Variants in PPEF1 observed in about 807,000 individuals in gnomAD.
PPEF1 encodes the protein protein phosphatase with EF-hand domain 1.
A neutral mutation model predicts 53.3 loss-of-function variants in PPEF1; 12 were observed. That is an observed-to-expected ratio of 0.23 (90% CI 0.14 to 0.36). The LOEUF (loss-of-function observed/expected upper bound fraction) is 0.36, where lower values mean the gene tolerates loss of function less well. Ranked by LOEUF, PPEF1 falls within the 10% of genes least tolerant of loss-of-function variation. The pLI, the probability that PPEF1 is intolerant of heterozygous loss-of-function variation, is 1.00. For missense variants in PPEF1, 334 were observed against 490.4 expected (o/e 0.68, Z 3.01); for synonymous variants, 165 against 176.7 (o/e 0.93, Z 0.52).
chrX:18,759,730 TTTTATAAA>T (rs962983002), intron 5 of PPEF1, among the ~76,000 whole-genome samples: 2 of 112,112 alleles, frequency 1.8e-5, no homozygotes, highest in Non-Finnish European at 3.8e-5. Context: ...TATAGTAGTA[TTTTATAAA>T]TAAGTGCTGG....
intron 9 of PPEF1, among the ~76,000 whole-genome samples, chrX:18,788,739 T>C (rs954287284): frequency 8.9e-6 from 1 of 111,856 alleles, no homozygotes; most frequent in Admixed American, 9.5e-5. Context: ...TATTAAGAGG[T>C]GTTTCTGAAC....
intron 10 of PPEF1, among the ~76,000 whole-genome samples, chrX:18,801,072 T>C (rs1176743034): frequency 8.9e-6 from 1 of 112,154 alleles, no homozygotes; most frequent in Non-Finnish European, 1.9e-5. Flanking sequence ...ATGCAAGTGT[T>C]ATTTTTGTCA....
At chrX:18,763,952 G>A (rs978757024) in intron 6 of PPEF1, among the ~76,000 whole-genome samples, 1 of 111,571 alleles carries the variant, frequency 9.0e-6, no homozygotes, top group Admixed American at 9.5e-5. Context: ...GAGGGGGCTG[G>A]TGAAAGAGCA....
At chrX:18,812,824 A>C (rs761728892) in intron 12 of PPEF1, among the ~76,000 whole-genome samples, 77 of 110,387 alleles carry the variant, frequency 7.0e-4, no homozygotes, top group African/African-American at 2.4e-3. Context: ...GCTGGAGTGC[A>C]GTGATGTGAT....
intron 3 of PPEF1, among the ~76,000 whole-genome samples, chrX:18,737,344 C>CA (rs942189748): frequency 2.7e-5 from 3 of 112,054 alleles, no homozygotes; most frequent in African/African-American, 9.7e-5. Context: ...TCATTGGTTT[C>CA]AAAGAACATC....
intron 1 of PPEF1, among the ~76,000 whole-genome samples, chrX:18,722,988 AT>A (rs34364348): frequency 6.2e-4 from 63 of 101,862 alleles, no homozygotes; most frequent in East Asian, 2.7e-3. Flanking sequence ...TAATTTGTGA[AT>A]TTTTTTTTTT....
At chrX:18,783,111 C>CA (rs139197097) in intron 8 of PPEF1, among the ~76,000 whole-genome samples, 1,062 of 59,081 alleles carry the variant, frequency 0.018, 25 homozygotes, top group African/African-American at 0.055. Flanking sequence ...GACTCCATCT[C>CA]AAAAAAAAAA....
chrX:18,804,125 G>T (rs1310496388), intron 11 of PPEF1, 48 bp downstream of exon 11: 1 of 1,080,344 alleles, frequency 9.3e-7, no homozygotes, highest in South Asian at 2.0e-5. Context: ...CTTCCCCTAA[G>T]CACAGTCTTT....
chrX:18,678,063 C>G (rs763366386), upstream of PPEF1, among the ~76,000 whole-genome samples: 6 of 95,494 alleles, frequency 6.3e-5, no homozygotes, highest in African/African-American at 8.1e-5. Flanking sequence ...CTCAGGAGGT[C>G]GAGGCTGTCG....
At chrX:18,822,657 C>T (rs1029645581) in intron 13 of PPEF1, among the ~76,000 whole-genome samples, 1 of 110,435 alleles carries the variant, frequency 9.1e-6, no homozygotes, top group Non-Finnish European at 1.9e-5. Context: ...TACAGGCGCC[C>T]GCCACCATGC....
At chrX:18,765,595 A>T (rs2045749522) in intron 6 of PPEF1, among the ~76,000 whole-genome samples, 2 of 110,895 alleles carry the variant, frequency 1.8e-5, no homozygotes, top group Non-Finnish European at 3.8e-5. Context: ...ACATGGTAAA[A>T]TTTATTTTTT....
chrX:18,749,466 A>G (rs1043494563), intron 3 of PPEF1, among the ~76,000 whole-genome samples: 1 of 111,551 alleles, frequency 9.0e-6, no homozygotes, highest in Non-Finnish European at 1.9e-5. Flanking sequence ...AGAGTGGGCA[A>G]AAAACTTAGA....
chrX:18,701,644 C>G (rs574239322), intron 6 of PPEF1, among the ~76,000 whole-genome samples: 3 of 112,066 alleles, frequency 2.7e-5, no homozygotes, highest in African/African-American at 9.7e-5. Context: ...CAAAAGGGCC[C>G]CTTGCTAGGC....
intron 6 of PPEF1, among the ~76,000 whole-genome samples, chrX:18,771,234 C>G (rs1255620425): frequency 1.8e-5 from 2 of 110,957 alleles, no homozygotes; most frequent in Non-Finnish European, 3.8e-5. Flanking sequence ...TATTTCTTTT[C>G]TATTTCCTTA....
intron 2 of PPEF1, among the ~76,000 whole-genome samples, chrX:18,731,302 TTTTA>T (rs1292306919): frequency 8.9e-6 from 1 of 112,219 alleles, no homozygotes; most frequent in Non-Finnish European, 1.9e-5. Flanking sequence ...GACTTCTCAT[TTTTA>T]TTTGAAATTA....
chrX:18,785,429 C>T (rs1164605430), intron 9 of PPEF1, among the ~76,000 whole-genome samples: 2 of 111,540 alleles, frequency 1.8e-5, no homozygotes, highest in East Asian at 5.6e-4. Flanking sequence ...AAACCTAAGA[C>T]AAAACTGAAT....
chrX:18,760,928 G>T (rs989865430), intron 5 of PPEF1, among the ~76,000 whole-genome samples: 6 of 110,177 alleles, frequency 5.4e-5, no homozygotes, highest in Admixed American at 9.7e-5. Flanking sequence ...TTACAGGCGT[G>T]TGCCACCATG....
chrX:18,692,308 A>G (rs190876065), intron 4 of PPEF1, among the ~76,000 whole-genome samples: 3 of 111,782 alleles, frequency 2.7e-5, no homozygotes, highest in Non-Finnish European at 3.8e-5. Flanking sequence ...TTAATACCCT[A>G]TTGCAATGAA....
At chrX:18,778,931 A>G in intron 6 of PPEF1, 79 bp from the exon 7 acceptor site, 1 of 919,338 alleles carries the variant, frequency 1.1e-6, no homozygotes, top group Non-Finnish European at 1.5e-6. Flanking sequence ...CCATATTAAC[A>G]GGGATGTTAT....
Sources: gnomAD v4.1 joint callset for allele counts (sites outside exome capture counted in the v4.1 genomes callset) on GRCh38, gnomAD v4.1.1 for gene constraint, MANE v1.5 for transcripts, NCBI Gene and HGNC (gene_info 2026-07-23, HGNC 2026-07-21) for gene names.